VPS35L: variants seen among roughly 807,000 people sequenced by gnomAD.
The protein encoded by VPS35L is VPS35 endosomal protein sorting factor like.
A neutral mutation model predicts 133.0 loss-of-function variants in VPS35L; 83 were observed. That is an observed-to-expected ratio of 0.62 (90% CI 0.52 to 0.75). The LOEUF (loss-of-function observed/expected upper bound fraction) is 0.75. Among genes scored for constraint, VPS35L ranks in the 30% least tolerant of loss-of-function variants. VPS35L has a pLI of 0.00. For missense variants in VPS35L, 1,083 were observed against 1,206.8 expected, an observed-to-expected ratio of 0.90 and a Z score of 1.52; for synonymous variants, 423 against 449.9, an observed-to-expected ratio of 0.94 and a Z score of 0.76.
At chr16:19,625,684 G>A (rs571466773) in intron 14 of VPS35L, among the ~76,000 whole-genome samples, 1 of 152,112 alleles carries the variant, frequency 6.6e-6, no homozygotes, top group African/African-American at 2.4e-5. Context: ...TTGATCAGTT[G>A]ATTGATTGAG....
chr16:19,566,909 C>G (rs1971208469), intron 2 of VPS35L, among the ~76,000 whole-genome samples: 1 of 152,050 alleles, frequency 6.6e-6, no homozygotes, highest in Non-Finnish European at 1.5e-5. Flanking sequence ...GCCACCATGC[C>G]CAGCTAATTT....
chr16:19,610,959 G>T (rs912918138), intron 12 of VPS35L, among the ~76,000 whole-genome samples: 5 of 152,148 alleles, frequency 3.3e-5, no homozygotes, highest in African/African-American at 4.8e-5. Context: ...AAGCTATTAA[G>T]TTTTTTGTGT....
chr16:19,555,851 GTCGA>G, intron 1 of VPS35L, 105 bp downstream of exon 1: 1 of 1,451,428 alleles, frequency 6.9e-7, no homozygotes, highest in Non-Finnish European at 9.2e-7. Context: ...GGTTCTGGTG[GTCGA>G]CCGGCCACCC....
At chr16:19,643,148 C>T (rs550904963) in intron 22 of VPS35L, among the ~76,000 whole-genome samples, 1 of 152,300 alleles carries the variant, frequency 6.6e-6, no homozygotes, top group East Asian at 1.9e-4. Context: ...TTAGAATCTT[C>T]ACTTCCATGA....
chr16:19,679,507 A>G (rs1451693850), intron 27 of VPS35L, among the ~76,000 whole-genome samples: 1 of 129,656 alleles, frequency 7.7e-6, no homozygotes, highest in Non-Finnish European at 1.6e-5. Flanking sequence ...TTATTTATTT[A>G]TTTATTTATT....
At chr16:19,574,415 G>A (rs1469868642) in intron 4 of VPS35L, among the ~76,000 whole-genome samples, 1 of 152,182 alleles carries the variant, frequency 6.6e-6, no homozygotes, top group East Asian at 1.9e-4. Context: ...CATAGATGCA[G>A]GGAGGCTGAG....
intron 24 of VPS35L, among the ~76,000 whole-genome samples, chr16:19,649,619 T>TTG (rs1974062200): frequency 6.6e-6 from 1 of 152,204 alleles, no homozygotes; most frequent in African/African-American, 2.4e-5. Context: ...TAAAAAACGG[T>TTG]GGCGCCCCTG....
At chr16:19,572,405 G>A (rs1407283676) in intron 3 of VPS35L, among the ~76,000 whole-genome samples, 1 of 152,126 alleles carries the variant, frequency 6.6e-6, no homozygotes, top group African/African-American at 2.4e-5. Context: ...GCAACAGAGC[G>A]AGACTCCATC....
intron 26 of VPS35L, among the ~76,000 whole-genome samples, chr16:19,654,135 A>AT (rs904750290): frequency 1.6e-4 from 25 of 151,840 alleles, no homozygotes; most frequent in Non-Finnish European, 2.5e-4. Context: ...AGATAGTTGT[A>AT]TTTTTTTTGA....
intron 27 of VPS35L, among the ~76,000 whole-genome samples, chr16:19,678,514 G>C (rs112336086): frequency 0.019 from 2,883 of 148,534 alleles, 85 homozygotes; most frequent in African/African-American, 0.067. Context: ...GTCTCGCTCT[G>C]TTGCCCAGGC....
At chr16:19,660,717 T>G (rs1402459722) in intron 26 of VPS35L, among the ~76,000 whole-genome samples, 4 of 152,202 alleles carry the variant, frequency 2.6e-5, no homozygotes, top group Non-Finnish European at 5.9e-5. Context: ...TCTGAATTCC[T>G]TTTATCATGT....
chr16:19,666,736 C>T (rs373602744), intron 26 of VPS35L, among the ~76,000 whole-genome samples: 28 of 152,184 alleles, frequency 1.8e-4, no homozygotes, highest in African/African-American at 6.3e-4. Context: ...TTGCTCTGAG[C>T]AGAATTTGCA....
intron 12 of VPS35L, among the ~76,000 whole-genome samples, chr16:19,613,906 T>C (rs1322158468): frequency 6.6e-6 from 1 of 152,206 alleles, no homozygotes; most frequent in African/African-American, 2.4e-5. Context: ...AAACAGCAGA[T>C]GGGAATCATG....
At chr16:19,680,667 T>A (rs1306761188) in intron 27 of VPS35L, among the ~76,000 whole-genome samples, 1 of 152,128 alleles carries the variant, frequency 6.6e-6, no homozygotes, top group East Asian at 1.9e-4. Context: ...ATCCCAGCAG[T>A]TCAGGAGGCC....
chr16:19,571,302 A>G (rs1281428713), intron 3 of VPS35L, among the ~76,000 whole-genome samples: 1 of 151,742 alleles, frequency 6.6e-6, no homozygotes, highest in East Asian at 1.9e-4. Flanking sequence ...CTGCAGCCTT[A>G]AAGTCCTGGG....
Position 19,682,865 on chromosome 16 carries a change from A to G in VPS35L, c.2527+475A>G, listed in dbSNP as rs142947357. On this transcript the variant is annotated intron_variant, in intron 28 of 30. Transcript: ENST00000417362. The stretch of plus-strand genomic sequence containing the variant: ...CAACAAGAGTGAAAACACCATCCCA[A>G]AAAGGAAAAAAAAGAGTACAGATTC... Among the ~76,000 whole-genome samples the G allele has an allele frequency of 6.6e-4, 100 of 152,144 alleles. 3 individuals are homozygous for G. In the East Asian group the frequency reaches 0.017, roughly 26 times the overall value.
At chr16:19,619,929 A>G (rs938710294) in intron 14 of VPS35L, among the ~76,000 whole-genome samples, 2 of 152,196 alleles carry the variant, frequency 1.3e-5, no homozygotes, top group African/African-American at 4.8e-5. Context: ...AACTGTGTGT[A>G]TCCATTAGAG....
At chr16:19,575,864 A>G (rs538876965) in intron 5 of VPS35L, among the ~76,000 whole-genome samples, 1 of 146,178 alleles carries the variant, frequency 6.8e-6, no homozygotes, top group Non-Finnish European at 1.5e-5. Flanking sequence ...TTAAAAAAAT[A>G]TATATATATG....
intron 14 of VPS35L, among the ~76,000 whole-genome samples, chr16:19,620,935 A>T (rs1973059071): frequency 6.6e-6 from 1 of 152,168 alleles, no homozygotes; most frequent in African/African-American, 2.4e-5. Flanking sequence ...TGGGCGACAG[A>T]GCAAGACTCT....
Sources: allele counts gnomAD v4.1 joint callset (sites outside exome capture counted in the v4.1 genomes callset), GRCh38; gene constraint gnomAD v4.1.1; transcripts MANE v1.5; gene names NCBI Gene and HGNC (gene_info 2026-07-23, HGNC 2026-07-21).